Variants in KDSR observed in about 807,000 individuals in gnomAD.
KDSR encodes the protein 3-ketodihydrosphingosine reductase.
KDSR carries 23 observed loss-of-function variants against 41.3 expected under a neutral mutation model. The observed-to-expected ratio is 0.56, with a 90% confidence interval of 0.40 to 0.79. KDSR has a LOEUF of 0.79. Ranked by LOEUF, KDSR falls within the 30% of genes least tolerant of loss-of-function variation. The pLI, the probability that KDSR is intolerant of heterozygous loss-of-function variation, is 0.00. For missense variants in KDSR, 351 were observed against 416.8 expected (o/e 0.84, Z 1.37); for synonymous variants, 138 against 151.7 (o/e 0.91, Z 0.66).
At chr18:63,357,123 T>C (rs1440983122) in intron 3 of KDSR, among the ~76,000 whole-genome samples, 3 of 152,148 alleles carry the variant, frequency 2.0e-5, no homozygotes, top group East Asian at 3.8e-4. Flanking sequence ...AAAAAGTCAA[T>C]GAATACCACA....
Position 63,331,464 on chromosome 18 carries a change from T to C in KDSR, c.*318A>G, listed in dbSNP as rs1291059708. On this transcript the variant is annotated 3_prime_UTR_variant, in exon 10 of 10. Coordinates refer to ENST00000645214, the MANE Select transcript of KDSR (RefSeq NM_002035.4). ...CTCTAGGGGGGCAAAAAAGAATAAA[T>C]AGAAACAAATTTAATGATCATTCTG... 1 of 246,776 alleles carries C rather than the reference T, an allele frequency of 4.1e-6. No homozygotes were observed. Among genetic ancestry groups the C allele is most frequent in the Non-Finnish European group, 7.8e-6 (1 of 127,512 alleles). 15.3% of individuals were successfully genotyped at this position (246,776 alleles called of 1,614,324 possible).
At chr18:63,341,227 T>C (rs766440706) in intron 7 of KDSR, among the ~76,000 whole-genome samples, 28 of 151,870 alleles carry the variant, frequency 1.8e-4, no homozygotes, top group Admixed American at 7.2e-4. Flanking sequence ...GAAGAAATTT[T>C]CAAACAAAAC....
chr18:63,338,396 C>T (rs942247947), intron 8 of KDSR, among the ~76,000 whole-genome samples: 2 of 152,184 alleles, frequency 1.3e-5, no homozygotes, highest in Admixed American at 6.5e-5. Flanking sequence ...GACAGGCCCA[C>T]GGGGCTGGTG....
intron 9 of KDSR, among the ~76,000 whole-genome samples, chr18:63,334,043 T>C (rs1599320993): frequency 6.6e-6 from 1 of 152,306 alleles, no homozygotes; most frequent in Middle Eastern, 3.4e-3. Context: ...GAGTTCCTAC[T>C]AAGTGCCAGG....
At position 63,359,781 on chromosome 18, in the gene KDSR, C is replaced by T. The variant is rs753770839; in HGVS notation, c.210G>A (p.Leu70=). The part of the protein sequence containing the change: ...TLVARNEDKL[L]QAKKEIEMHS... ...GCATTTCAATTTCTTTCTTTGCCTG[C>T]AGCAGCTTATCCTGAAAGCAATACA... Residue 70 remains leucine (L), a synonymous_variant, in exon 3 of 10, where the codon CTG becomes CTA. Coordinates refer to ENST00000645214, the MANE Select transcript of KDSR (RefSeq NM_002035.4). 4.4e-6 allele frequency: 7 copies of T among 1,607,586 alleles called. No homozygotes were observed. Among genetic ancestry groups the T allele is most frequent in the Non-Finnish European group, 6.0e-6 (7 of 1,174,972 alleles).
intron 5 of KDSR, among the ~76,000 whole-genome samples, chr18:63,353,622 C>T (rs904425457): frequency 2.7e-4 from 41 of 152,044 alleles, no homozygotes; most frequent in African/African-American, 9.4e-4. Flanking sequence ...AGAATGTGGT[C>T]GATCCATACA....
chr18:63,342,869 G>A (rs1355516682), intron 7 of KDSR, among the ~76,000 whole-genome samples: 1 of 152,180 alleles, frequency 6.6e-6, no homozygotes, highest in African/African-American at 2.4e-5. Flanking sequence ...AATGTTGGAG[G>A]AGGGACCTGG....
chr18:63,367,029 C>T lies in KDSR; in HGVS notation c.90G>A (p.Leu30=). The change falls in exon 1 of 10, where the codon CTG becomes CTA. Residue 30 remains leucine (L), a synonymous_variant. Coordinates refer to ENST00000645214, the MANE Select transcript of KDSR (RefSeq NM_002035.4). ...SPLISPKPLA[L]PGAHVVVTGG... ...CACTCACCACCACATGCGCCCCGGG[C>T]AGGGCGAGGGGCTTGGGGCTGATGA... 7.6e-7 allele frequency: 1 copy of T among 1,315,908 alleles called. No homozygotes were observed. The highest frequency in any genetic ancestry group is 9.8e-7 in the Non-Finnish European group (1 of 1,024,116). The allele number at this position is 1,315,908 out of a possible 1,614,324, so 81.5% of individuals were successfully genotyped here. A position where few individuals can be genotyped will look rare whatever the true frequency, so the allele number is the denominator to read the frequency against.
intron 6 of KDSR, 81 bp downstream of exon 6, chr18:63,350,806 AT>A: frequency 9.9e-7 from 1 of 1,010,340 alleles, no homozygotes; most frequent in Non-Finnish European, 1.4e-6. Flanking sequence ...ACAACAACAC[AT>A]GTAAAGAAGC....
chr18:63,331,593 A>T lies in KDSR; in HGVS notation c.*189T>A. 1 of 485,860 alleles carries T rather than the reference A, an allele frequency of 2.1e-6. No homozygotes were observed. The highest frequency in any genetic ancestry group is 3.6e-6 in the Non-Finnish European group (1 of 275,444). The allele number at this position is 485,860 out of a possible 1,614,324, so 30.1% of individuals were successfully genotyped here. ...ATGGTCTCCTATTCCATATTTGCAT[A>T]GTATTAATAATACTGTCAGGAGGTG... On this transcript the variant is annotated 3_prime_UTR_variant, in exon 10 of 10. Coordinates refer to ENST00000645214, the MANE Select transcript of KDSR (RefSeq NM_002035.4).
At chr18:63,349,533 T>G (rs1914604170) in intron 6 of KDSR, among the ~76,000 whole-genome samples, 1 of 152,262 alleles carries the variant, frequency 6.6e-6, no homozygotes, top group Non-Finnish European at 1.5e-5. Context: ...CACGATATAT[T>G]ATTAAGAGTA....
chr18:63,342,606 G>A (rs1316399966), intron 7 of KDSR, among the ~76,000 whole-genome samples: 2 of 152,150 alleles, frequency 1.3e-5, no homozygotes, highest in African/African-American at 4.8e-5. Context: ...ACTATAGAAT[G>A]GTCCAAGTGT....
chr18:63,338,397 G>A (rs561482230), intron 8 of KDSR, among the ~76,000 whole-genome samples: 2 of 152,236 alleles, frequency 1.3e-5, no homozygotes, highest in African/African-American at 2.4e-5. Context: ...ACAGGCCCAC[G>A]GGGCTGGTGG....
intron 7 of KDSR, among the ~76,000 whole-genome samples, chr18:63,341,782 C>T (rs547391447): frequency 6.6e-6 from 1 of 152,162 alleles, no homozygotes; most frequent in East Asian, 1.9e-4. Context: ...CACTGGATTC[C>T]ACAGAAATTC....
chr18:63,352,382 T>C (rs1332238819), intron 5 of KDSR, among the ~76,000 whole-genome samples: 1 of 152,234 alleles, frequency 6.6e-6, no homozygotes, highest in Admixed American at 6.5e-5. Flanking sequence ...TGGTGTGATC[T>C]TGGCTCACTG....
chr18:63,340,754 ATCTCC>A (rs1849910190), intron 7 of KDSR, among the ~76,000 whole-genome samples: 1 of 152,254 alleles, frequency 6.6e-6, no homozygotes, highest in Non-Finnish European at 1.5e-5. Flanking sequence ...ACCCCAAGTC[ATCTCC>A]TCTACGATGG....
At chr18:63,361,652 T>C (rs1469123923) in intron 2 of KDSR, among the ~76,000 whole-genome samples, 5 of 151,686 alleles carry the variant, frequency 3.3e-5, no homozygotes, top group African/African-American at 1.2e-4. Context: ...CTGTCTCTAC[T>C]AAAAATACAA....
At chr18:63,354,428 G>T (rs1340048867) in intron 5 of KDSR, among the ~76,000 whole-genome samples, 1 of 152,220 alleles carries the variant, frequency 6.6e-6, no homozygotes, top group Non-Finnish European at 1.5e-5. Context: ...AGCACTTTGG[G>T]AGGTAGAGGT....
intron 7 of KDSR, among the ~76,000 whole-genome samples, chr18:63,342,164 A>AAC: frequency 1.1e-5 from 1 of 91,608 alleles, no homozygotes. Flanking sequence ...GCAAGACTCT[A>AAC]TCACAAAAAA....
Sources: gnomAD v4.1 joint callset for allele counts (sites outside exome capture counted in the v4.1 genomes callset) on GRCh38, gnomAD v4.1.1 for gene constraint, MANE v1.5 for transcripts, NCBI Gene and HGNC (gene_info 2026-07-23, HGNC 2026-07-21) for gene names.